Variants in AGBL4 observed in about 807,000 individuals in gnomAD.
The protein encoded by AGBL4 is AGBL carboxypeptidase 4.
AGBL4 carries 58 observed loss-of-function variants against 66.4 expected under a neutral mutation model. That is an observed-to-expected ratio of 0.87 (90% CI 0.71 to 1.09). The LOEUF (loss-of-function observed/expected upper bound fraction) is 1.09, where lower values mean the gene tolerates loss of function less well. Among genes scored for constraint, AGBL4 ranks in the 50% least tolerant of loss-of-function variants. The probability of loss-of-function intolerance (pLI) is 0.00; values close to 1 mark genes in which losing one functional copy is unlikely to be tolerated. For missense variants in AGBL4, 579 were observed against 631.0 expected, an observed-to-expected ratio of 0.92 and a Z score of 0.88; for synonymous variants, 234 against 222.9, an observed-to-expected ratio of 1.05 and a Z score of -0.44.
At chr1:48,528,794 T>G (rs959817719), downstream of AGBL4, among the ~76,000 whole-genome samples, 2 of 152,176 alleles carry the variant, frequency 1.3e-5, no homozygotes, top group African/African-American at 4.8e-5. Context: ...AGATGATCCC[T>G]GAGATGTTGC....
At chr1:49,658,137 C>G (rs958012045) in intron 3 of AGBL4, among the ~76,000 whole-genome samples, 7 of 152,186 alleles carry the variant, frequency 4.6e-5, no homozygotes, top group Non-Finnish European at 8.8e-5. Flanking sequence ...CCAGAATCTA[C>G]AATGAACTCA....
chr1:49,254,943 A>C (rs1364913488), intron 3 of AGBL4, among the ~76,000 whole-genome samples: 1 of 152,146 alleles, frequency 6.6e-6, no homozygotes, highest in African/African-American at 2.4e-5. Flanking sequence ...ATGGTGCTGG[A>C]ACAACTGGCC....
chr1:48,547,866 A>G (rs1488049811), intron 11 of AGBL4, among the ~76,000 whole-genome samples: 1 of 152,038 alleles, frequency 6.6e-6, no homozygotes, highest in Non-Finnish European at 1.5e-5. Flanking sequence ...TTAACTAGCC[A>G]TGTGACCTTG....
intron 3 of AGBL4, among the ~76,000 whole-genome samples, chr1:49,661,458 T>C (rs1055604814): frequency 1.3e-5 from 2 of 152,074 alleles, no homozygotes; most frequent in African/African-American, 4.8e-5. Flanking sequence ...AAGCAAGATC[T>C]GGTTATTAAG....
intron 3 of AGBL4, among the ~76,000 whole-genome samples, chr1:49,461,410 G>A (rs1010308140): frequency 1.1e-4 from 17 of 149,876 alleles, no homozygotes; most frequent in African/African-American, 4.2e-4. Flanking sequence ...AGTGCATTTT[G>A]CATTTCTCTA....
At chr1:48,992,211 G>T (rs1339148382) in intron 5 of AGBL4, among the ~76,000 whole-genome samples, 1 of 151,882 alleles carries the variant, frequency 6.6e-6, no homozygotes. Flanking sequence ...TCTGCATTAA[G>T]GGGCACCCCA....
intron 4 of AGBL4, among the ~76,000 whole-genome samples, chr1:49,064,360 C>T (rs1485146951): frequency 2.6e-5 from 4 of 152,188 alleles, no homozygotes; most frequent in Admixed American, 1.3e-4. Flanking sequence ...AGCACATGCA[C>T]TATCTAGGCA....
Position 48,534,303 on chromosome 1 carries a change from G to A in AGBL4, c.1392-10C>T. ...AGGGGATTTTTCTTTCCTGCAAAGGGGGAGATAACAGAAAGAGAGAAGACA... is the reference window on the plus strand; with the variant it reads ...AGGGGATTTTTCTTTCCTGCAAAGGAGGAGATAACAGAAAGAGAGAAGACA... On this transcript the variant is annotated splice_polypyrimidine_tract_variant and intron_variant, in intron 13 of 13. Transcript: ENST00000371839. 1 of 1,547,734 alleles carries A rather than the reference G, an allele frequency of 6.5e-7. No homozygotes were observed. Among genetic ancestry groups the A allele is most frequent in the Non-Finnish European group, 8.7e-7 (1 of 1,145,466 alleles).
Position 48,574,537 on chromosome 1 carries a change from CT to C in AGBL4, c.1267+12466del, listed in dbSNP as rs780333770. Among the ~76,000 whole-genome samples, 390 of 123,890 alleles carry C rather than the reference CT, an allele frequency of 3.1e-3. 1 individual carries two copies. The highest frequency in any genetic ancestry group is 8.2e-3 in the Middle Eastern group (2 of 244). 81.3% of individuals were successfully genotyped at this position (123,890 alleles called of 152,430 possible). ...TATGTATATTTTTTTCTTTTCTTTT[CT>C]TTTTTTTTTTTTTGAACTGACATCC... On this transcript the variant is annotated intron_variant, in intron 11 of 13. Transcript: ENST00000371839.
intron 6 of AGBL4, among the ~76,000 whole-genome samples, chr1:48,703,751 A>C (rs1646839229): frequency 6.6e-6 from 1 of 152,230 alleles, no homozygotes; most frequent in Admixed American, 6.5e-5. Context: ...TTTCCTTAGC[A>C]CTAGAATCAG....
intron 3 of AGBL4, among the ~76,000 whole-genome samples, chr1:49,660,972 A>C (rs1302572134): frequency 2.0e-5 from 3 of 152,066 alleles, no homozygotes; most frequent in Non-Finnish European, 4.4e-5. Context: ...AGGGGGAGGG[A>C]GAGCATTAGG....
At chr1:49,947,798 A>C (rs2148307047) in intron 1 of AGBL4, among the ~76,000 whole-genome samples, 1 of 148,782 alleles carries the variant, frequency 6.7e-6, no homozygotes, top group South Asian at 2.1e-4. Flanking sequence ...AAAACCCTAA[A>C]GACTCATCCA....
At chr1:49,712,508 A>G (rs1249806520) in intron 2 of AGBL4, among the ~76,000 whole-genome samples, 1 of 151,880 alleles carries the variant, frequency 6.6e-6, no homozygotes, top group East Asian at 1.9e-4. Flanking sequence ...GCAGTTATGT[A>G]GGATGAATAA....
At chr1:49,294,167 G>A (rs1277377748) in intron 3 of AGBL4, among the ~76,000 whole-genome samples, 1 of 152,142 alleles carries the variant, frequency 6.6e-6, no homozygotes, top group Non-Finnish European at 1.5e-5. Context: ...AAGGGTCTGA[G>A]TTTTTGTTCC....
At chr1:49,556,201 A>G (rs1038317992) in intron 3 of AGBL4, among the ~76,000 whole-genome samples, 6 of 152,174 alleles carry the variant, frequency 3.9e-5, no homozygotes, top group Non-Finnish European at 7.3e-5. Context: ...ATGCAGCCAT[A>G]AAAAATGATG....
chr1:49,521,053 C>A (rs115419629), intron 3 of AGBL4, among the ~76,000 whole-genome samples: 2 of 151,984 alleles, frequency 1.3e-5, no homozygotes, highest in East Asian at 3.9e-4. Flanking sequence ...ATATGATCCA[C>A]CCACCTTGGC....
intron 3 of AGBL4, among the ~76,000 whole-genome samples, chr1:49,572,461 T>G (rs1043896093): frequency 2.6e-5 from 4 of 152,230 alleles, no homozygotes; most frequent in Non-Finnish European, 5.9e-5. Context: ...TTCTTGTGTA[T>G]TCTAGCCTGC....
chr1:49,210,834 T>C (rs773807932), intron 4 of AGBL4, among the ~76,000 whole-genome samples: 3 of 152,140 alleles, frequency 2.0e-5, no homozygotes, highest in Non-Finnish European at 4.4e-5. Flanking sequence ...GTGAGTCCTA[T>C]GTGGTTATAA....
chr1:49,957,688 CT>C (rs1020760810), intron 1 of AGBL4, among the ~76,000 whole-genome samples: 5 of 151,610 alleles, frequency 3.3e-5, no homozygotes, highest in Admixed American at 2.6e-4. Context: ...CAACCCTTGC[CT>C]TTTTTTTGTT....
Sources: allele counts gnomAD v4.1 joint callset (sites outside exome capture counted in the v4.1 genomes callset), GRCh38; gene constraint gnomAD v4.1.1; transcripts MANE v1.5; gene names NCBI Gene and HGNC (gene_info 2026-07-23, HGNC 2026-07-21).